The following SCAMP4 variants were observed in gnomAD, a reference collection of about 807,000 sequenced individuals.
The protein encoded by SCAMP4 is secretory carrier-associated membrane protein 4.
In SCAMP4, 19 loss-of-function variants were observed where a neutral mutation model predicts 32.1. The ratio of observed to expected loss-of-function variants is 0.59; its 90% CI spans 0.41 to 0.87. The LOEUF (loss-of-function observed/expected upper bound fraction) is 0.87, where lower values mean the gene tolerates loss of function less well. SCAMP4 is among the 40% of genes least tolerant of loss of function. SCAMP4 has a pLI of 0.00. For missense variants in SCAMP4, 302 were observed against 309.0 expected (o/e 0.98, Z 0.17); for synonymous variants, 152 against 132.7 (o/e 1.15, Z -1.00).
chr19:1,924,059 C>CT, intron 6 of SCAMP4, 49 bp from the exon 7 acceptor site: 1 of 1,539,416 alleles, frequency 6.5e-7, no homozygotes, highest in Non-Finnish European at 8.8e-7. Flanking sequence ...CGTGCCCGGC[C>CT]GCCATGCTCA....
In SCAMP4 at chr19:1,925,062, G is replaced by C. The variant is rs1944483013; in HGVS notation, c.*778G>C. On this transcript the variant is annotated 3_prime_UTR_variant, in exon 7 of 7. Transcript: ENST00000316097. ...CAGAGAGCCGGTTTCCCAGCAGCCG[G>C]AGCCCTGCAGGAGAGGCCTTTGTGT... 6.6e-6 allele frequency: 1 copy of C among 152,296 alleles called. No individual in the cohort carries two copies. Among genetic ancestry groups the C allele is most frequent in the Admixed American group, 6.6e-5 (1 of 15,256 alleles). The allele number at this position is 152,296 out of a possible 1,614,324, so 9.4% of individuals were successfully genotyped here.
intron 1 of SCAMP4, chr19:1,913,239 G>C (rs372537473): frequency 6.9e-7 from 1 of 1,442,874 alleles, no homozygotes; most frequent in Non-Finnish European, 9.1e-7. Flanking sequence ...TTCCGCACAA[G>C]CCTGACCGTG....
Position 1,924,681 on chromosome 19 carries a change from G to C in SCAMP4, c.*397G>C. 4.6e-6 allele frequency: 1 copy of C among 216,558 alleles called. No homozygotes were observed. The highest frequency in any genetic ancestry group is 9.7e-6 in the Non-Finnish European group (1 of 103,602). 13.4% of individuals were successfully genotyped at this position (216,558 alleles called of 1,614,324 possible). On this transcript the variant is annotated 3_prime_UTR_variant, in exon 7 of 7. Transcript: ENST00000316097. The stretch of plus-strand genomic sequence containing the variant: ...GAGCTGCTGGCGCTGAGGTCAGAGC[G>C]GGTCTGATGGGGAGCTCCGTCTCAC...
chr19:1,912,885 G>T (rs1042490391), intron 1 of SCAMP4: 9 of 1,605,618 alleles, frequency 5.6e-6, no homozygotes, highest in Non-Finnish European at 6.8e-6. Flanking sequence ...CCGCGCAGGC[G>T]CCGTGCGTAA....
At position 1,915,024 on chromosome 19, in the gene SCAMP4, C is replaced by T. The variant is rs548989217; in HGVS notation, c.5C>T (p.Ser2Leu). Residue 2 changes from serine (S) to leucine (L), a missense_variant and splice_region_variant, in exon 2 of 7, where the codon TCA becomes TTA. Transcript: ENST00000316097. MSEKENNFPPLP... is the reference protein window; with the variant it reads MLEKENNFPPLP... The stretch of plus-strand genomic sequence containing the variant: ...GCGCTGGTTGGTGAAACAGAGATGT[C>T]AGGTGAGTCCTGCCTGCCTGGGAGC... 6.8e-6 allele frequency: 11 copies of T among 1,613,722 alleles called. No homozygotes were observed. The highest frequency in any genetic ancestry group is 1.3e-5 in the African/African-American group (1 of 74,904).
intron 5 of SCAMP4, chr19:1,920,540 C>T: frequency 1.1e-6 from 1 of 945,024 alleles, no homozygotes. Flanking sequence ...ACCTGCCACC[C>T]CAAGAGCCTG....
chr19:1,912,756 C>T (rs2013541976), intron 1 of SCAMP4: 1 of 1,553,242 alleles, frequency 6.4e-7, no homozygotes, highest in Non-Finnish European at 8.6e-7. Context: ...GGACAACCCC[C>T]TCCTGCACGC....
intron 1 of SCAMP4, among the ~76,000 whole-genome samples, chr19:1,911,466 C>T (rs2013443751): frequency 2.0e-5 from 3 of 152,220 alleles, no homozygotes; most frequent in South Asian, 4.1e-4. Context: ...GCCGCTGGTA[C>T]CTAGCCATGA....
At chr19:1,924,063 A>C in intron 6 of SCAMP4, 45 bp from the exon 7 acceptor site, 2 of 1,516,958 alleles carry the variant, frequency 1.3e-6, no homozygotes, top group South Asian at 1.2e-5. Flanking sequence ...CCCGGCCGCC[A>C]TGCTCATTTT....
chr19:1,918,646 C>T (rs11671144), intron 4 of SCAMP4: 429,753 of 579,638 alleles, frequency 0.74, 164,756 homozygotes, highest in Non-Finnish European at 0.82. Flanking sequence ...CCTATAATCC[C>T]AGCTACTCAG....
Position 1,917,834 on chromosome 19 carries a change from T to A in SCAMP4, c.136+12T>A, listed in dbSNP as rs1178544982. On this transcript the variant is annotated intron_variant, in intron 3 of 6. Coordinates refer to ENST00000316097, the MANE Select transcript of SCAMP4 (RefSeq NM_079834.4). Reference sequence around the variant, plus strand: ...CCGGCTGTGGATGTGTGAGTGCGCCTGGGGGCAGGAGGCGGGAAGCGGGAG... The same window carrying A: ...CCGGCTGTGGATGTGTGAGTGCGCCAGGGGGCAGGAGGCGGGAAGCGGGAG... The A allele has an allele frequency of 3.1e-6, 5 of 1,613,444 alleles. No individual in the cohort carries two copies. The highest frequency in any genetic ancestry group is 4.2e-6 in the Non-Finnish European group (5 of 1,179,784).
At position 1,913,009 on chromosome 19, in the gene SCAMP4, G is replaced by A. The variant is rs149740927; in HGVS notation, c.-41-1970G>A. On this transcript the variant is annotated intron_variant, in intron 1 of 6. Transcript: ENST00000316097. ...GCCCTGGTGCACGCACGCATCCTGCGCGTCTTCTACGGTGCGCCCTCGCCC... is the reference window on the plus strand; with the variant it reads ...GCCCTGGTGCACGCACGCATCCTGCACGTCTTCTACGGTGCGCCCTCGCCC... 31 of 1,607,258 alleles carry A rather than the reference G, an allele frequency of 1.9e-5. 1 individual carries two copies. The African/African-American group carries it at 3.6e-4, about 19-fold the overall frequency.
intron 1 of SCAMP4, chr19:1,912,326 G>A: frequency 1.3e-6 from 2 of 1,540,118 alleles, no homozygotes; most frequent in Non-Finnish European, 1.7e-6. Context: ...ACCTCAAGCG[G>A]GTGCGGCCCA....
intron 1 of SCAMP4, chr19:1,912,833 C>G (rs1440151872): frequency 1.3e-5 from 20 of 1,592,734 alleles, no homozygotes; most frequent in Non-Finnish European, 1.7e-5. Flanking sequence ...TCAGACCCTT[C>G]CCCGCCTGCT....
intron 1 of SCAMP4, chr19:1,912,940 A>T (rs1305247292): frequency 3.7e-6 from 6 of 1,610,334 alleles, no homozygotes; most frequent in Non-Finnish European, 5.1e-6. Flanking sequence ...TGCACTGGCT[A>T]CGACCTGTAC....
intron 5 of SCAMP4, chr19:1,921,926 G>A (rs560690536): frequency 3.3e-4 from 323 of 985,020 alleles, no homozygotes; most frequent in Non-Finnish European, 3.7e-4. Context: ...GGGACGCGGC[G>A]GGGGGTACCG....
rs559669662 is a variant in SCAMP4 at position 1,913,059 on chromosome 19, C to T, written c.-41-1920C>T. The T allele has an allele frequency of 2.6e-5, 41 of 1,602,976 alleles. No individual in the cohort carries two copies. The South Asian group carries it at 3.6e-4, about 14-fold the overall frequency. On this transcript the variant is annotated intron_variant, in intron 1 of 6. Coordinates refer to ENST00000316097, the MANE Select transcript of SCAMP4 (RefSeq NM_079834.4). Reference sequence around the variant, plus strand: ...CGACGGCGCCCTGGGCACCCGCTTCCGCATCCACGCACGGCCCGACCTCAA... The same window carrying T: ...CGACGGCGCCCTGGGCACCCGCTTCTGCATCCACGCACGGCCCGACCTCAA...
At position 1,908,770 on chromosome 19, in the gene SCAMP4, A is replaced by C. The variant is rs1429600039; in HGVS notation, c.-42+3331A>C. On this transcript the variant is annotated intron_variant, in intron 1 of 6. Transcript: ENST00000316097. This position sits in a 1 kb window ranked among gnomAD's most constrained non-coding sequence, Gnocchi z 4.2. ...CGCCTTGGTCTCCTGAGTAGCTGGGACTACATGTGCACACCACCGTGCCCA... is the reference window on the plus strand; with the variant it reads ...CGCCTTGGTCTCCTGAGTAGCTGGGCCTACATGTGCACACCACCGTGCCCA... The C allele has an allele frequency of 3.6e-5, 13 of 357,334 alleles. No homozygotes were observed. The highest frequency in any genetic ancestry group is 6.6e-5 in the Non-Finnish European group (12 of 182,706). The allele number at this position is 357,334 out of a possible 1,614,324, so 22.1% of individuals were successfully genotyped here. A position where few individuals can be genotyped will look rare whatever the true frequency, so the allele number is the denominator to read the frequency against.
rs1048093724 is a variant in SCAMP4, at chr19:1,919,235, C to T, written c.395+245C>T. The T allele has an allele frequency of 1.2e-5, 16 of 1,367,000 alleles. No individual in the cohort carries two copies. In the Admixed American group the frequency reaches 1.2e-4, roughly 10 times the overall value. The allele number at this position is 1,367,000 out of a possible 1,614,324, so 84.7% of individuals were successfully genotyped here. ...AGGGAGGGGTCCGAGCTCGCCCTGG[C>T]AGTGCCTGCGTCCTCGCCAGCGCCC... On this transcript the variant is annotated intron_variant, in intron 5 of 6. Coordinates refer to ENST00000316097, the MANE Select transcript of SCAMP4 (RefSeq NM_079834.4).
Sources: gnomAD v4.1 joint callset for allele counts (sites outside exome capture counted in the v4.1 genomes callset) on GRCh38, gnomAD v4.1.1 for gene constraint, Gnocchi (gnomAD v3.1) non-coding constraint, MANE v1.5 for transcripts, NCBI Gene and HGNC (gene_info 2026-07-23, HGNC 2026-07-21) for gene names.